Variants in RPTOR observed in about 807,000 individuals in gnomAD.
RPTOR encodes regulatory associated protein of MTOR complex 1, also known as regulatory-associated protein of mTOR.
In RPTOR, 21 loss-of-function variants were observed where a neutral mutation model predicts 169.9. The observed-to-expected ratio is 0.12, with a 90% CI of 0.09 to 0.18. RPTOR has a LOEUF of 0.18. RPTOR is among the 10% of genes least tolerant of loss of function. The pLI is 1.00. For missense variants in RPTOR, 1,133 were observed against 1,855.9 expected, an observed-to-expected ratio of 0.61 and a Z score of 7.16; for synonymous variants, 732 against 753.2, an observed-to-expected ratio of 0.97 and a Z score of 0.46.
chr17:80,902,542 G>A (rs150539211), intron 20 of RPTOR, among the ~76,000 whole-genome samples: 514 of 152,306 alleles, frequency 3.4e-3, no homozygotes, highest in African/African-American at 0.012. Context: ...TCTTGCTAAC[G>A]CATGGATGTG....
At chr17:80,930,463 C>G (rs201597402) in intron 24 of RPTOR, among the ~76,000 whole-genome samples, 3 of 138,970 alleles carry the variant, frequency 2.2e-5, no homozygotes, top group African/African-American at 5.2e-5. Flanking sequence ...TCATCCCCAG[C>G]TCATCCCCAG....
At chr17:80,612,132 T>C (rs2065275854) in intron 1 of RPTOR, among the ~76,000 whole-genome samples, 1 of 152,244 alleles carries the variant, frequency 6.6e-6, no homozygotes, top group African/African-American at 2.4e-5. Flanking sequence ...GTTTTAAAAA[T>C]AGGCATCTTT....
chr17:80,701,326 TC>T (rs1403676880), intron 3 of RPTOR, among the ~76,000 whole-genome samples: 1 of 152,232 alleles, frequency 6.6e-6, no homozygotes, highest in Non-Finnish European at 1.5e-5. Context: ...ACCATAATGC[TC>T]ATTCCATATC....
At chr17:80,925,545 A>C in intron 24 of RPTOR, 65 bp downstream of exon 24, 1 of 1,305,420 alleles carries the variant, frequency 7.7e-7, no homozygotes, top group Non-Finnish European at 1.1e-6. Context: ...CACTTCTTTG[A>C]GCATAAACGC....
chr17:80,914,865 CA>C (rs1324013176), intron 21 of RPTOR, among the ~76,000 whole-genome samples: 2 of 152,248 alleles, frequency 1.3e-5, no homozygotes, highest in Admixed American at 6.5e-5. Flanking sequence ...AGTGAAGTGC[CA>C]CCTTCAAGCC....
chr17:80,564,758 C>G (rs111307499), intron 1 of RPTOR, among the ~76,000 whole-genome samples: 8,352 of 152,058 alleles, frequency 0.055, 293 homozygotes, highest in Non-Finnish European at 0.083. Context: ...ACCGTCTACC[C>G]TCAAGTAGGC....
At chr17:80,590,295 G>C (rs528434554) in intron 1 of RPTOR, among the ~76,000 whole-genome samples, 2 of 146,668 alleles carry the variant, frequency 1.4e-5, no homozygotes, top group South Asian at 4.3e-4. Flanking sequence ...TGTCTTTAAT[G>C]GTTGGGCCGT....
intron 9 of RPTOR, among the ~76,000 whole-genome samples, chr17:80,834,423 G>A (rs1308536955): frequency 6.6e-6 from 1 of 152,148 alleles, no homozygotes; most frequent in East Asian, 1.9e-4. Context: ...TCTGGGCGCC[G>A]AGCCACAGCC....
At chr17:80,600,934 C>T (rs976368564) in intron 1 of RPTOR, among the ~76,000 whole-genome samples, 1 of 129,520 alleles carries the variant, frequency 7.7e-6, no homozygotes, top group South Asian at 2.5e-4. Context: ...GCCGCACGTG[C>T]CCTCTCTGCA....
At chr17:80,906,582 G>A (rs1012700504) in intron 20 of RPTOR, among the ~76,000 whole-genome samples, 4 of 152,236 alleles carry the variant, frequency 2.6e-5, no homozygotes, top group Non-Finnish European at 5.9e-5. Context: ...GCACACATGT[G>A]TATGGGCAAG....
intron 1 of RPTOR, among the ~76,000 whole-genome samples, chr17:80,595,234 T>C (rs1376112064): frequency 1.3e-5 from 2 of 152,226 alleles, no homozygotes; most frequent in African/African-American, 2.4e-5. Flanking sequence ...AGCATGCAGA[T>C]GGATTTTCTG....
At chr17:80,905,429 CAAAAAAAAA>C (rs535677825) in intron 20 of RPTOR, among the ~76,000 whole-genome samples, 29 of 117,712 alleles carry the variant, frequency 2.5e-4, no homozygotes, top group Non-Finnish European at 4.8e-4. Context: ...ACTAAAAATA[CAAAAAAAAA>C]AAAAAAAATT....
chr17:80,796,975 C>T (rs921001840), intron 7 of RPTOR, among the ~76,000 whole-genome samples: 2 of 152,236 alleles, frequency 1.3e-5, no homozygotes, highest in African/African-American at 4.8e-5. Flanking sequence ...GCCATTAGCT[C>T]TATTTCCAAG....
chr17:80,629,860 G>A (rs572166311), intron 2 of RPTOR, among the ~76,000 whole-genome samples: 12 of 151,484 alleles, frequency 7.9e-5, no homozygotes, highest in South Asian at 2.1e-4. Context: ...CAGCTCTTCC[G>A]TGTGTCTGTC....
At chr17:80,672,789 C>A (rs2065832189) in intron 3 of RPTOR, among the ~76,000 whole-genome samples, 1 of 151,634 alleles carries the variant, frequency 6.6e-6, no homozygotes, top group African/African-American at 2.4e-5. Context: ...GACTCTGTCT[C>A]AAAAAACAAA....
At chr17:80,778,723 C>T (rs142720279) in intron 6 of RPTOR, among the ~76,000 whole-genome samples, 33 of 152,216 alleles carry the variant, frequency 2.2e-4, no homozygotes, top group African/African-American at 7.7e-4. Flanking sequence ...GACTAGAGCC[C>T]GGGAGTTCAC....
At position 80,785,283 on chromosome 17, in the gene RPTOR, A is replaced by G. The variant is rs563470280; in HGVS notation, c.831-6167A>G. ...CAACTACCAAAGGCTAAAAATGAGC[A>G]GGGATATTAGGGACTGGAGTCAAAG... is the stretch of plus-strand genomic sequence containing the variant. On this transcript the variant is annotated intron_variant, in intron 6 of 33. Transcript: ENST00000306801. Among the ~76,000 whole-genome samples the G allele has an allele frequency of 3.3e-5, 5 of 152,374 alleles. No homozygotes were observed. The East Asian group carries it at 9.6e-4, about 29-fold the overall frequency.
intron 1 of RPTOR, among the ~76,000 whole-genome samples, chr17:80,610,467 G>C (rs141640812): frequency 6.6e-6 from 1 of 152,286 alleles, no homozygotes; most frequent in East Asian, 1.9e-4. Flanking sequence ...GCTGCCTGCT[G>C]TCTCCATGGT....
At chr17:80,556,589 G>C (rs1386167968) in intron 1 of RPTOR, among the ~76,000 whole-genome samples, 6 of 152,154 alleles carry the variant, frequency 3.9e-5, no homozygotes, top group African/African-American at 1.4e-4. Context: ...ATAGAGCATG[G>C]ATCCTACTGA....
Sources: gnomAD v4.1 joint callset for allele counts (sites outside exome capture counted in the v4.1 genomes callset) on GRCh38, gnomAD v4.1.1 for gene constraint, MANE v1.5 for transcripts, NCBI Gene and HGNC (gene_info 2026-07-23, HGNC 2026-07-21) for gene names.